CCDC12: variants seen among roughly 807,000 people sequenced by gnomAD.
CCDC12 encodes coiled-coil domain-containing protein 12.
A neutral mutation model predicts 25.7 loss-of-function variants in CCDC12; 28 were observed. The ratio of observed to expected loss-of-function variants is 1.09; its 90% CI spans 0.81 to 1.50. The LOEUF (loss-of-function observed/expected upper bound fraction) is 1.50. Ranked by LOEUF, CCDC12 falls within the 40% of genes most tolerant of loss-of-function variation. CCDC12 has a pLI of 0.00. For synonymous variants in CCDC12, 75 were observed against 87.7 expected (o/e 0.86, Z 0.81); for missense variants, 198 against 210.0 (o/e 0.94, Z 0.35).
At chr3:46,970,937 C>A (rs1367690016) in intron 1 of CCDC12, among the ~76,000 whole-genome samples, 1 of 152,128 alleles carries the variant, frequency 6.6e-6, no homozygotes, top group African/African-American at 2.4e-5. Flanking sequence ...AAAAGTGTGC[C>A]CAGGCTGGCT....
chr3:46,923,911 ACAGT>A (rs1006600853), intron 3 of CCDC12: 7 of 395,008 alleles, frequency 1.8e-5, no homozygotes, highest in African/African-American at 1.4e-4. Context: ...GCAGCCAGCC[ACAGT>A]CAGTCAGGAA....
At chr3:46,974,283 T>C (rs1437378978) in intron 1 of CCDC12, among the ~76,000 whole-genome samples, 4 of 152,186 alleles carry the variant, frequency 2.6e-5, no homozygotes, top group East Asian at 1.9e-4. Flanking sequence ...ATGGTTAAAA[T>C]AGTAAATTGT....
In CCDC12 at chr3:46,976,659, A is replaced by G; in HGVS notation, c.74T>C (p.Leu25Pro). Reference sequence around the variant, plus strand: ...CACCTTGCGCCCGGTTTTCTCCCGTAGGGCCTTCAGCCGTTCCTTTCGCCG... The same window carrying G: ...CACCTTGCGCCCGGTTTTCTCCCGTGGGGCCTTCAGCCGTTCCTTTCGCCG... ...ALRRKERLKA[L>P]REKTGRKDKE... Residue 25 changes from leucine to proline, a missense_variant, in exon 1 of 7, where the codon CTA becomes CCA. Physicochemically the swap from Leu to Pro is moderately conservative, Grantham distance 98. Transcript: ENST00000683445. The G allele has an allele frequency of 6.2e-7, 1 of 1,611,224 alleles. No individual in the cohort carries two copies.
At chr3:46,947,800 G>A (rs914644745) in intron 1 of CCDC12, among the ~76,000 whole-genome samples, 3 of 152,224 alleles carry the variant, frequency 2.0e-5, no homozygotes, top group Non-Finnish European at 2.9e-5. Context: ...GCACAGGAGC[G>A]GGGAAATCCC....
At chr3:46,972,486 T>C (rs1213465366) in intron 1 of CCDC12, among the ~76,000 whole-genome samples, 1 of 151,932 alleles carries the variant, frequency 6.6e-6, no homozygotes, top group Admixed American at 6.6e-5. Flanking sequence ...GCAAAAGGAA[T>C]CTGGATACTT....
At chr3:46,924,066 C>G (rs955263804) in intron 3 of CCDC12, 12 of 171,616 alleles carry the variant, frequency 7.0e-5, no homozygotes, top group African/African-American at 2.8e-4. Flanking sequence ...CCACAGGTGG[C>G]TTTTCCTCCA....
At chr3:46,923,570 G>A in intron 4 of CCDC12, 37 bp downstream of exon 4, 1 of 1,593,240 alleles carries the variant, frequency 6.3e-7, no homozygotes, top group Non-Finnish European at 8.6e-7. Context: ...AGGACACACA[G>A]AAGCAGCGAG....
rs143398807 is a variant in CCDC12 at position 46,967,900 on chromosome 3, T to C, written c.96+8737A>G. On this transcript the variant is annotated intron_variant, in intron 1 of 6. Coordinates refer to ENST00000683445, the MANE Select transcript of CCDC12 (RefSeq NM_001277074.2). ...AATTCATCAGAATCACCTGGGGAACTTTAAGAATGCATGAATTTATAGGCT... is the reference window on the plus strand; with the variant it reads ...AATTCATCAGAATCACCTGGGGAACCTTAAGAATGCATGAATTTATAGGCT... 4.2e-4 allele frequency among the ~76,000 whole-genome samples: 64 copies of C among 152,272 alleles called. 1 individual carries two copies. The highest frequency in any genetic ancestry group is 1.4e-3 in the African/African-American group (58 of 41,550).
chr3:46,979,840 A>AGGGCCGGAGCC, upstream of CCDC12: 1 of 430,158 alleles, frequency 2.3e-6, no homozygotes, highest in Non-Finnish European at 4.1e-6. Flanking sequence ...GGCGCGCAGC[A>AGGGCCGGAGCC]GGGCCGGAGC....
At chr3:46,973,790 T>G (rs1311950402) in intron 1 of CCDC12, among the ~76,000 whole-genome samples, 2 of 151,926 alleles carry the variant, frequency 1.3e-5, no homozygotes, top group East Asian at 2.0e-4. Flanking sequence ...TTTTTTGTAT[T>G]TTTAATAGAG....
At chr3:46,943,386 C>G (rs1172014840) in intron 1 of CCDC12, among the ~76,000 whole-genome samples, 1 of 152,206 alleles carries the variant, frequency 6.6e-6, no homozygotes, top group African/African-American at 2.4e-5. Flanking sequence ...CAGTGCCTAC[C>G]TCAGGGGAAG....
Position 46,973,458 on chromosome 3 carries a change from G to A in CCDC12, c.96+3179C>T, listed in dbSNP as rs144297966. 2.1e-3 allele frequency among the ~76,000 whole-genome samples: 312 copies of A among 148,348 alleles called. 4 individuals carry two copies. Among genetic ancestry groups the A allele is most frequent in the African/African-American group, 7.5e-3 (298 of 39,908 alleles). ...TGCAGTGAGCTGAGATTGCACCATT[G>A]CATTCCAGCCTGGGCAACAAGAGCG... On this transcript the variant is annotated intron_variant, in intron 1 of 6. Transcript: ENST00000683445.
intron 2 of CCDC12, among the ~76,000 whole-genome samples, chr3:46,939,750 C>T (rs1361528616): frequency 6.6e-6 from 1 of 152,210 alleles, no homozygotes; most frequent in Admixed American, 6.5e-5. Flanking sequence ...CTCTGCAGGG[C>T]TCTCAGGATG....
intron 1 of CCDC12, among the ~76,000 whole-genome samples, chr3:46,958,532 C>T (rs1174879406): frequency 6.6e-6 from 1 of 152,176 alleles, no homozygotes; most frequent in Non-Finnish European, 1.5e-5. Context: ...AGTTCATCTG[C>T]ATCTCGTTAT....
intron 1 of CCDC12, among the ~76,000 whole-genome samples, chr3:46,943,523 G>A (rs1470702307): frequency 1.3e-5 from 2 of 152,204 alleles, no homozygotes; most frequent in Non-Finnish European, 2.9e-5. Flanking sequence ...CAGGGGTTCT[G>A]TTAACCCGAA....
intron 1 of CCDC12, among the ~76,000 whole-genome samples, chr3:46,946,010 C>T (rs917488931): frequency 6.6e-6 from 1 of 152,242 alleles, no homozygotes; most frequent in Admixed American, 6.5e-5. Flanking sequence ...AGTACACCTG[C>T]CTCTGGATGG....
chr3:46,958,739 T>C (rs2034375863), intron 1 of CCDC12, among the ~76,000 whole-genome samples: 1 of 152,024 alleles, frequency 6.6e-6, no homozygotes, highest in African/African-American at 2.4e-5. Context: ...TTGTTAAGTG[T>C]TCTATGAGCT....
At chr3:46,957,958 A>ACACACACAC (rs1559561484) in intron 1 of CCDC12, among the ~76,000 whole-genome samples, 1 of 27,974 alleles carries the variant, frequency 3.6e-5, no homozygotes, top group African/African-American at 7.1e-5. Context: ...TAAAAAAATA[A>ACACACACAC]ATACACACAC....
Position 46,923,638 on chromosome 3 carries a change from GC to G in CCDC12, c.274del (p.Ala92ProfsTer36), listed in dbSNP as rs763483333. 4.4e-6 allele frequency: 7 copies of G among 1,579,398 alleles called. No individual in the cohort carries two copies. The South Asian group carries it at 8.2e-5, about 18-fold the overall frequency. The part of the protein sequence containing the change: ...VEEKVKEQLE[A>X]AKPEPVIEEV... Reference sequence around the variant, plus strand: ...CTCGATGACGGGCTCGGGCTTGGCGGCCTCCAGCTGCTCCTTCACCTTCTCC... The same window carrying G: ...CTCGATGACGGGCTCGGGCTTGGCGGCTCCAGCTGCTCCTTCACCTTCTCC... On this transcript the variant is annotated frameshift_variant, in exon 4 of 7. Coordinates refer to ENST00000683445, the MANE Select transcript of CCDC12 (RefSeq NM_001277074.2). LOFTEE classifies it high-confidence loss of function.
Sources: gnomAD v4.1 joint callset for allele counts (sites outside exome capture counted in the v4.1 genomes callset) on GRCh38, gnomAD v4.1.1 for gene constraint, MANE v1.5 for transcripts, NCBI Gene and HGNC (gene_info 2026-07-23, HGNC 2026-07-21) for gene names.